SOX6: variants seen among roughly 807,000 people sequenced by gnomAD.
SOX6 encodes the protein SRY-box transcription factor 6.
A neutral mutation model predicts 97.8 loss-of-function variants in SOX6; 11 were observed. That is an observed-to-expected ratio of 0.11 (90% CI 0.07 to 0.19). SOX6 has a LOEUF of 0.19. SOX6 is among the 10% of genes least tolerant of loss of function. SOX6 has a pLI of 1.00. For missense variants in SOX6, 810 were observed against 1,039.5 expected (o/e 0.78, Z 3.04); for synonymous variants, 360 against 371.4 (o/e 0.97, Z 0.35).
chr11:16,052,696 T>C (rs1267934125), intron 10 of SOX6, among the ~76,000 whole-genome samples: 1 of 152,196 alleles, frequency 6.6e-6, no homozygotes, highest in Non-Finnish European at 1.5e-5. Flanking sequence ...GAAGTTTCTG[T>C]ATTTCTTTAA....
intron 7 of SOX6, among the ~76,000 whole-genome samples, chr11:16,105,772 G>T (rs919490369): frequency 4.6e-5 from 7 of 152,048 alleles, no homozygotes; most frequent in African/African-American, 1.7e-4. Context: ...AAAACTATTT[G>T]TATTTGCAAA....
chr11:16,313,581 T>C (rs1207453382), intron 3 of SOX6: 5 of 152,156 alleles, frequency 3.3e-5, no homozygotes, highest in Admixed American at 2.6e-4. Flanking sequence ...TATACCTCCT[T>C]AGACCTAGAA....
At chr11:16,621,458 G>C (rs2133988972) in intron 3 of SOX6, among the ~76,000 whole-genome samples, 1 of 152,248 alleles carries the variant, frequency 6.6e-6, no homozygotes, top group Middle Eastern at 3.4e-3. Flanking sequence ...TCATTCAAAT[G>C]TCACAAGAAA....
intron 4 of SOX6, among the ~76,000 whole-genome samples, chr11:16,545,965 A>T (rs1300497516): frequency 6.6e-6 from 1 of 152,138 alleles, no homozygotes; most frequent in Non-Finnish European, 1.5e-5. Context: ...AAATAAATAA[A>T]TAAATACTCT....
At chr11:16,330,747 A>G (rs1161630665) in intron 2 of SOX6, among the ~76,000 whole-genome samples, 1 of 152,166 alleles carries the variant, frequency 6.6e-6, no homozygotes, top group Non-Finnish European at 1.5e-5. Flanking sequence ...GAAAGTTAGA[A>G]GTGCCAAGAG....
intron 9 of SOX6, among the ~76,000 whole-genome samples, chr11:16,091,605 T>C (rs1353113741): frequency 6.6e-6 from 1 of 152,080 alleles, no homozygotes; most frequent in African/African-American, 2.4e-5. Context: ...TTAAATAAAA[T>C]ATGTGCTTGT....
chr11:16,017,300 TTAAAATATCAATATTTTGACAGAG>T (rs1854916249), intron 12 of SOX6, among the ~76,000 whole-genome samples: 1 of 152,092 alleles, frequency 6.6e-6, no homozygotes, highest in Non-Finnish European at 1.5e-5. Flanking sequence ...TACTTTCCCT[TTAAAATATCAATATTTTGACAGAG>T]TAGAAGTCAA....
At chr11:16,068,081 G>A (rs1212847302) in intron 9 of SOX6, among the ~76,000 whole-genome samples, 1 of 152,160 alleles carries the variant, frequency 6.6e-6, no homozygotes, top group East Asian at 1.9e-4. Flanking sequence ...AATAGAAGTT[G>A]GAGGAAACAA....
chr11:16,428,598 C>G (rs1009904337), intron 1 of SOX6, among the ~76,000 whole-genome samples: 1 of 152,118 alleles, frequency 6.6e-6, no homozygotes, highest in Non-Finnish European at 1.5e-5. Context: ...TTCCCCATTT[C>G]TTGTTTTTGT....
chr11:16,212,135 A>T (rs1852249090), intron 4 of SOX6, among the ~76,000 whole-genome samples: 1 of 152,188 alleles, frequency 6.6e-6, no homozygotes, highest in Non-Finnish European at 1.5e-5. Flanking sequence ...CTGTAAACAG[A>T]TATGAGGCCT....
chr11:15,980,436 A>G (rs549340038), intron 15 of SOX6, among the ~76,000 whole-genome samples: 3 of 152,154 alleles, frequency 2.0e-5, no homozygotes, highest in African/African-American at 7.2e-5. Flanking sequence ...GCAAAATCAG[A>G]AGCTAACCAT....
At chr11:16,562,378 C>A (rs1410597717) in intron 4 of SOX6, among the ~76,000 whole-genome samples, 1 of 152,048 alleles carries the variant, frequency 6.6e-6, no homozygotes, top group Non-Finnish European at 1.5e-5. Flanking sequence ...AAGCCAGCAA[C>A]CTAAAAACAT....
intron 3 of SOX6, among the ~76,000 whole-genome samples, chr11:16,699,666 T>A (rs545844282): frequency 6.6e-6 from 1 of 152,308 alleles, no homozygotes; most frequent in Admixed American, 6.5e-5. Flanking sequence ...GTTAGACACA[T>A]CGTTGTATGA....
At chr11:16,202,570 T>C (rs1851969395) in intron 4 of SOX6, among the ~76,000 whole-genome samples, 2 of 152,154 alleles carry the variant, frequency 1.3e-5, no homozygotes, top group Non-Finnish European at 2.9e-5. Flanking sequence ...TCTAGAAAAT[T>C]ACTAGCAATG....
At chr11:16,365,399 G>A (rs1347589373) in intron 1 of SOX6, among the ~76,000 whole-genome samples, 1 of 151,712 alleles carries the variant, frequency 6.6e-6, no homozygotes, top group Non-Finnish European at 1.5e-5. Flanking sequence ...CTTCTAGAGG[G>A]CTTAGAACTT....
intron 3 of SOX6, among the ~76,000 whole-genome samples, chr11:16,712,078 TAC>T (rs58807051): frequency 0.32 from 44,122 of 139,684 alleles, 7,271 homozygotes; most frequent in East Asian, 0.69. Flanking sequence ...TAGTATTCCA[TAC>T]ACACACACAC....
chr11:16,200,738 C>A (rs1050688321), intron 4 of SOX6, among the ~76,000 whole-genome samples: 3 of 152,134 alleles, frequency 2.0e-5, no homozygotes, highest in Non-Finnish European at 4.4e-5. Flanking sequence ...TTGATTACAT[C>A]ATTTTTATAT....
intron 4 of SOX6, among the ~76,000 whole-genome samples, chr11:16,498,853 A>G (rs1261489472): frequency 4.6e-5 from 7 of 152,190 alleles, no homozygotes; most frequent in African/African-American, 1.4e-4. Flanking sequence ...CCCACACAAT[A>G]ATAATGGGAG....
At chr11:16,038,312 G>C (rs1358179908) in intron 12 of SOX6, among the ~76,000 whole-genome samples, 1 of 152,042 alleles carries the variant, frequency 6.6e-6, no homozygotes, top group African/African-American at 2.4e-5. Context: ...AAACCCTTGT[G>C]CATAGAAACT....
Sources: allele counts gnomAD v4.1 joint callset (sites outside exome capture counted in the v4.1 genomes callset), GRCh38; gene constraint gnomAD v4.1.1; transcripts MANE v1.5; gene names NCBI Gene and HGNC (gene_info 2026-07-23, HGNC 2026-07-21).